The following MACC1 variants were observed in gnomAD, a reference collection of about 807,000 sequenced individuals.
MACC1 encodes the protein MET transcriptional regulator MACC1, also known as metastasis-associated in colon cancer protein 1.
A neutral mutation model predicts 70.7 loss-of-function variants in MACC1; 79 were observed. The ratio of observed to expected loss-of-function variants is 1.12; its 90% confidence interval spans 0.93 to 1.35. The LOEUF (loss-of-function observed/expected upper bound fraction) is 1.35. Ranked by LOEUF, MACC1 falls within the 40% of genes most tolerant of loss-of-function variation. MACC1 has a pLI of 0.00. For synonymous variants in MACC1, 361 were observed against 347.2 expected, an observed-to-expected ratio of 1.04 and a Z score of -0.44; for missense variants, 1,106 against 978.1, an observed-to-expected ratio of 1.13 and a Z score of -1.74.
rs117572194 is a variant in MACC1 at position 20,183,318 on chromosome 7, G to A, written c.-217-12540C>T. Among the ~76,000 whole-genome samples, 1,123 of 152,294 alleles carry A rather than the reference G, an allele frequency of 7.4e-3. 27 individuals are homozygous for A. Among genetic ancestry groups the A allele is most frequent in the Admixed American group, 0.038 (580 of 15,294 alleles). Reference sequence around the variant, plus strand: ...CCTGGCTGTAGTTGGCAAGAAAACAGGGACTTCAGTCCTACAGCTGCAAGA... The same window carrying A: ...CCTGGCTGTAGTTGGCAAGAAAACAAGGACTTCAGTCCTACAGCTGCAAGA... On this transcript the variant is annotated intron_variant, in intron 1 of 6. Transcript: ENST00000400331.
At chr7:20,195,784 C>T (rs1782742670) in intron 1 of MACC1, among the ~76,000 whole-genome samples, 1 of 152,114 alleles carries the variant, frequency 6.6e-6, no homozygotes, top group African/African-American at 2.4e-5. Flanking sequence ...GAGGCCAATG[C>T]TTCTTTAGCT....
At chr7:20,143,900 T>C (rs983934840) in intron 6 of MACC1, among the ~76,000 whole-genome samples, 1 of 152,170 alleles carries the variant, frequency 6.6e-6, no homozygotes, top group Admixed American at 6.5e-5. Context: ...GTAATCTGGC[T>C]AGAAATGGGT....
intron 1 of MACC1, among the ~76,000 whole-genome samples, chr7:20,180,596 G>A (rs147606745): frequency 0.02 from 3,006 of 152,220 alleles, 97 homozygotes; most frequent in African/African-American, 0.066. Context: ...TGTAATCCCA[G>A]CACTTTGGGA....
At chr7:20,208,789 C>T (rs1322566703) in intron 1 of MACC1, among the ~76,000 whole-genome samples, 2 of 152,146 alleles carry the variant, frequency 1.3e-5, no homozygotes, top group African/African-American at 2.4e-5. Context: ...TCAAGGCAGC[C>T]CCTCGAATCA....
Position 20,159,318 on chromosome 7 carries a change from A to G in MACC1, c.1043T>C (p.Val348Ala), listed in dbSNP as rs1782105676. 1 of 1,614,098 alleles carries G rather than the reference A, an allele frequency of 6.2e-7. No individual in the cohort carries two copies. The highest frequency in any genetic ancestry group is 8.5e-7 in the Non-Finnish European group (1 of 1,180,000). Residue 348 changes from valine (V) to alanine (A), a missense_variant, in exon 5 of 7, where the codon GTT (valine) becomes GCT (alanine). Val to Ala is a moderately conservative substitution (Grantham distance 64). Coordinates refer to ENST00000400331, the MANE Select transcript of MACC1 (RefSeq NM_182762.4). ...IDLSQVMYLV[V>A]AAQAKALPSP... ...CGGAAGAGCTTTAGCTTGTGCAGCAACCACTAGATACATTACCTGACTCAA... is the reference window on the plus strand; with the variant it reads ...CGGAAGAGCTTTAGCTTGTGCAGCAGCCACTAGATACATTACCTGACTCAA...
At chr7:20,211,681 TA>T (rs1422134169) in intron 1 of MACC1, among the ~76,000 whole-genome samples, 2 of 152,230 alleles carry the variant, frequency 1.3e-5, no homozygotes, top group African/African-American at 4.8e-5. Context: ...TAATGTGTTA[TA>T]AATGTTTTGG....
At chr7:20,151,866 T>C (rs1781983736) in intron 6 of MACC1, among the ~76,000 whole-genome samples, 1 of 152,144 alleles carries the variant, frequency 6.6e-6, no homozygotes, top group Admixed American at 6.5e-5. Context: ...ATAGTCACCA[T>C]ATTAAACAGT....
At chr7:20,178,094 G>GT (rs1782424647) in intron 1 of MACC1, among the ~76,000 whole-genome samples, 1 of 151,860 alleles carries the variant, frequency 6.6e-6, no homozygotes, top group South Asian at 2.1e-4. Flanking sequence ...ACATTTTGTA[G>GT]TAAGTTTTAA....
intron 1 of MACC1, among the ~76,000 whole-genome samples, chr7:20,196,499 T>G (rs897691044): frequency 1.3e-5 from 2 of 152,110 alleles, no homozygotes; most frequent in Non-Finnish European, 2.9e-5. Context: ...TTTTATTGAC[T>G]ATATACTTTT....
rs1562576802 is a variant in MACC1 at position 20,138,179 on chromosome 7, A to AAAAAAAAAAAAAAAAAAAAC, written c.*2766_*2767insGTTTTTTTTTTTTTTTTTTT. 4.3e-5 allele frequency: 6 copies of AAAAAAAAAAAAAAAAAAAAC among 139,360 alleles called. No homozygotes were observed. Among genetic ancestry groups the AAAAAAAAAAAAAAAAAAAAC allele is most frequent in the South Asian group, 2.2e-4 (1 of 4,460 alleles). 8.6% of individuals were successfully genotyped at this position (139,360 alleles called of 1,614,324 possible). On this transcript the variant is annotated 3_prime_UTR_variant, in exon 7 of 7. Coordinates refer to ENST00000400331, the MANE Select transcript of MACC1 (RefSeq NM_182762.4). ...AAAAAAAAAAAAAAAAAAAAAAAAA[A>AAAAAAAAAAAAAAAAAAAAC]AAATTTCCCCTGGAAGGATTTGTTA...
intron 1 of MACC1, among the ~76,000 whole-genome samples, chr7:20,186,513 C>T (rs888417093): frequency 5.6e-4 from 85 of 151,566 alleles, no homozygotes; most frequent in African/African-American, 9.9e-4. Flanking sequence ...AATAAATAAA[C>T]GACAGCCAAA....
At chr7:20,210,707 G>A (rs1281685692) in intron 1 of MACC1, among the ~76,000 whole-genome samples, 3 of 152,068 alleles carry the variant, frequency 2.0e-5, no homozygotes, top group African/African-American at 7.2e-5. Context: ...CAATGAGGAG[G>A]GATGGCATCT....
chr7:20,155,226 AG>A (rs1288608627), intron 5 of MACC1, among the ~76,000 whole-genome samples: 3 of 152,144 alleles, frequency 2.0e-5, no homozygotes, highest in African/African-American at 7.2e-5. Flanking sequence ...CCCCCTTAGG[AG>A]GGGGAATCCA....
rs1783042512 is a variant in MACC1, at chr7:20,214,566, A to T, written c.-218+2733T>A. 2.0e-5 allele frequency among the ~76,000 whole-genome samples: 3 copies of T among 152,300 alleles called. No homozygotes were observed. In the South Asian group the frequency reaches 6.2e-4, roughly 32 times the overall value. ...CCATAAATGAAAAAAGCTGATATCT[A>T]TTGTAATAAATAGGCAATAACTATA... is the stretch of plus-strand genomic sequence containing the variant. On this transcript the variant is annotated intron_variant, in intron 1 of 6. Coordinates refer to ENST00000400331, the MANE Select transcript of MACC1 (RefSeq NM_182762.4).
rs1781720598 is a variant in MACC1 at position 20,136,615 on chromosome 7, A to C, written c.*4331T>G. On this transcript the variant is annotated 3_prime_UTR_variant, in exon 7 of 7. Transcript: ENST00000400331. ...TTTTGTGCTGTGGACCAGTAAATAC[A>C]TATGCAAGAAACAAACCTTCGACAT... 6.6e-6 allele frequency: 1 copy of C among 152,170 alleles called. No individual in the cohort carries two copies. Among genetic ancestry groups the C allele is most frequent in the African/African-American group, 2.4e-5 (1 of 41,452 alleles). The allele number at this position is 152,170 out of a possible 1,614,324, so 9.4% of individuals were successfully genotyped here.
chr7:20,142,528 C>A (rs986808117), intron 6 of MACC1, among the ~76,000 whole-genome samples: 1 of 152,136 alleles, frequency 6.6e-6, no homozygotes, highest in African/African-American at 2.4e-5. Flanking sequence ...CCTCACCAAC[C>A]GGATTAATAA....
intron 1 of MACC1, among the ~76,000 whole-genome samples, chr7:20,193,782 C>CT (rs66625746): frequency 0.27 from 38,076 of 142,418 alleles, 6,319 homozygotes; most frequent in East Asian, 0.59. Context: ...TCTATTCCTT[C>CT]TTTTTTTTTT....
At chr7:20,187,809 C>G (rs1288355894) in intron 1 of MACC1, among the ~76,000 whole-genome samples, 6 of 152,146 alleles carry the variant, frequency 3.9e-5, no homozygotes, top group South Asian at 2.1e-4. Flanking sequence ...TCTCCAACAC[C>G]CTTCTCTGTT....
In MACC1 at chr7:20,160,124, A is replaced by G. The variant is rs776310781; in HGVS notation, c.237T>C (p.Asp79=). 6.2e-6 allele frequency: 10 copies of G among 1,613,308 alleles called. No homozygotes were observed. In the Admixed American group the frequency reaches 1.7e-4, roughly 27 times the overall value. The change falls in exon 5 of 7, where the codon GAT becomes GAC. Residue 79 remains aspartate (D), a synonymous_variant. Transcript: ENST00000400331. ...TGTTATTTCTTAGTTGAGTTATGTC[A>G]TCCAAAAATGGGTTAGAAGCAGACA... ...NQLSASNPFL[D]DITQLRNNRK...
Sources: allele counts gnomAD v4.1 joint callset (sites outside exome capture counted in the v4.1 genomes callset), GRCh38; gene constraint gnomAD v4.1.1; transcripts MANE v1.5; gene names NCBI Gene and HGNC (gene_info 2026-07-23, HGNC 2026-07-21).